ARHGAP39: variants seen among roughly 807,000 people sequenced by gnomAD.
ARHGAP39 encodes rho GTPase-activating protein 39.
In ARHGAP39, 44 loss-of-function variants were observed where a neutral mutation model predicts 106.9. The observed-to-expected ratio is 0.41, with a 90% CI of 0.32 to 0.53. The LOEUF (loss-of-function observed/expected upper bound fraction) is 0.53, where lower values mean the gene tolerates loss of function less well. Ranked by LOEUF, ARHGAP39 falls within the 20% of genes least tolerant of loss-of-function variation. The pLI, the probability that ARHGAP39 is intolerant of heterozygous loss-of-function variation, is 0.21. For synonymous variants in ARHGAP39, 768 were observed against 693.2 expected (o/e 1.11, Z -1.69); for missense variants, 1,496 against 1,577.3 (o/e 0.95, Z 0.87).
chr8:144,552,811 T>TC (rs1023057609), intron 4 of ARHGAP39, among the ~76,000 whole-genome samples: 2 of 152,136 alleles, frequency 1.3e-5, no homozygotes, highest in Admixed American at 1.3e-4. Context: ...TTTTTTTTTT[T>TC]CCCTGAGCGA....
chr8:144,670,197 A>G lies in ARHGAP39; in HGVS notation c.-82+15489T>C, dbSNP rs537337364. Among the ~76,000 whole-genome samples the G allele has an allele frequency of 9.8e-5, 15 of 152,342 alleles. No homozygotes were observed. In the East Asian group the frequency reaches 2.7e-3, roughly 27 times the overall value. On this transcript the variant is annotated intron_variant, in intron 1 of 11. Coordinates refer to ENST00000377307, the MANE Select transcript of ARHGAP39 (RefSeq NM_025251.3). This position sits in a 1 kb window ranked among gnomAD's most constrained non-coding sequence, Gnocchi z 4.4. The stretch of plus-strand genomic sequence containing the variant: ...GGACCAGGCGGCTGTAAAAAGCAAC[A>G]GAGCTCGGACGCATGCTAGAGCGTA...
Position 144,530,879 on chromosome 8 carries a change from C to T in ARHGAP39, c.2981-8G>A, listed in dbSNP as rs773451836. 1.2e-6 allele frequency: 2 copies of T among 1,606,426 alleles called. No homozygotes were observed. The highest frequency in any genetic ancestry group is 8.5e-7 in the Non-Finnish European group (1 of 1,178,256). ...ACAGCTTCAGCAGGGACGCTGGGGACACAGCACGGGGCTCAGCGGCCCTGC... is the reference window on the plus strand; with the variant it reads ...ACAGCTTCAGCAGGGACGCTGGGGATACAGCACGGGGCTCAGCGGCCCTGC... On this transcript the variant is annotated splice_region_variant and splice_polypyrimidine_tract_variant and intron_variant, in intron 10 of 11. Transcript: ENST00000377307.
chr8:144,675,269 T>C (rs887883452), intron 1 of ARHGAP39, among the ~76,000 whole-genome samples: 10 of 152,172 alleles, frequency 6.6e-5, no homozygotes, highest in African/African-American at 2.4e-4. Context: ...AGTCTTACTC[T>C]GTCACCAGGC....
At chr8:144,665,788 G>C (rs1472141015) in intron 1 of ARHGAP39, among the ~76,000 whole-genome samples, 1 of 152,220 alleles carries the variant, frequency 6.6e-6, no homozygotes, top group Non-Finnish European at 1.5e-5. Context: ...TTTGCTGCAG[G>C]GATGGAGCCC....
intron 3 of ARHGAP39, among the ~76,000 whole-genome samples, chr8:144,562,204 T>C (rs1209363858): frequency 6.6e-6 from 1 of 150,532 alleles, no homozygotes; most frequent in African/African-American, 2.5e-5. Context: ...TCCATCGGGC[T>C]CCAGTGGTTT....
At chr8:144,553,988 G>T (rs1817819924) in intron 4 of ARHGAP39, among the ~76,000 whole-genome samples, 1 of 152,248 alleles carries the variant, frequency 6.6e-6, no homozygotes, top group Admixed American at 6.5e-5. Context: ...CTGGCCCTGT[G>T]TCGGGGGGCC....
rs1324342900 is a variant in ARHGAP39, at chr8:144,529,820, T to TA, written c.*601dup. ...AGAATGCCTGCCCAGCCCTGCTCCC[T>TA]ACCCCAGAGGACTTTGGTTTGGGGG... On this transcript the variant is annotated 3_prime_UTR_variant, in exon 12 of 12. Coordinates refer to ENST00000377307, the MANE Select transcript of ARHGAP39 (RefSeq NM_025251.3). 6.9e-6 allele frequency: 1 copy of TA among 144,486 alleles called. No individual in the cohort carries two copies. Among genetic ancestry groups the TA allele is most frequent in the African/African-American group, 2.5e-5 (1 of 39,702 alleles). 9.0% of individuals were successfully genotyped at this position (144,486 alleles called of 1,614,324 possible). A position where few individuals can be genotyped will look rare whatever the true frequency, so the allele number is the denominator to read the frequency against.
At chr8:144,588,076 C>G (rs1819250637) in intron 2 of ARHGAP39, among the ~76,000 whole-genome samples, 1 of 152,236 alleles carries the variant, frequency 6.6e-6, no homozygotes, top group African/African-American at 2.4e-5. Flanking sequence ...CCCACGGAAA[C>G]AGCTGGGGTA....
intron 1 of ARHGAP39, among the ~76,000 whole-genome samples, chr8:144,630,282 G>A (rs1381062265): frequency 6.6e-6 from 1 of 152,216 alleles, no homozygotes; most frequent in East Asian, 1.9e-4. Flanking sequence ...TGTTAGATGG[G>A]AGGTAAAGTT....
At chr8:144,626,602 GC>G in intron 1 of ARHGAP39, among the ~76,000 whole-genome samples, 1 of 151,944 alleles carries the variant, frequency 6.6e-6, no homozygotes, top group South Asian at 2.1e-4. Context: ...TGTCCCGGCG[GC>G]CCCGTTCACG....
rs927495084 is a variant in ARHGAP39, at chr8:144,641,077, G to A, written c.-81-35382C>T. Among the ~76,000 whole-genome samples, 3 of 151,868 alleles carry A rather than the reference G, an allele frequency of 2.0e-5. No homozygotes were observed. Among genetic ancestry groups the A allele is most frequent in the African/African-American group, 7.3e-5 (3 of 41,344 alleles). ...AGATATTTTTATTTCTCATCTGCCT[G>A]GGCCCATCCCAGCACCAGTTCTTGC... On this transcript the variant is annotated intron_variant, in intron 1 of 11. Coordinates refer to ENST00000377307, the MANE Select transcript of ARHGAP39 (RefSeq NM_025251.3). This position sits in a 1 kb window ranked among gnomAD's most constrained non-coding sequence, Gnocchi z 5.2.
chr8:144,658,318 T>C (rs1462475084), intron 1 of ARHGAP39, among the ~76,000 whole-genome samples: 2 of 151,118 alleles, frequency 1.3e-5, no homozygotes, highest in South Asian at 2.1e-4. Context: ...CTTGTTGCCC[T>C]GGCTGCAGTG....
chr8:144,621,530 A>C (rs1820807303), intron 1 of ARHGAP39, among the ~76,000 whole-genome samples: 1 of 152,204 alleles, frequency 6.6e-6, no homozygotes, highest in Non-Finnish European at 1.5e-5. Context: ...TGGGAGGAAG[A>C]CAGTGGTGAA....
At chr8:144,664,905 C>A (rs1821923742) in intron 1 of ARHGAP39, among the ~76,000 whole-genome samples, 1 of 152,110 alleles carries the variant, frequency 6.6e-6, no homozygotes, top group African/African-American at 2.4e-5. Context: ...GAAAAGATAC[C>A]TGAAAATGTG....
At chr8:144,560,151 T>C (rs891370643) in intron 3 of ARHGAP39, among the ~76,000 whole-genome samples, 1 of 152,262 alleles carries the variant, frequency 6.6e-6, no homozygotes, top group Non-Finnish European at 1.5e-5. Flanking sequence ...AATGGCAAAC[T>C]TGCCGGGCAC....
At chr8:144,560,700 G>A (rs964275369) in intron 3 of ARHGAP39, among the ~76,000 whole-genome samples, 9 of 152,158 alleles carry the variant, frequency 5.9e-5, no homozygotes, top group African/African-American at 1.9e-4. Flanking sequence ...CGGTGCGCGG[G>A]TTACTCTGTT....
rs951517335 is a variant in ARHGAP39 at position 144,620,509 on chromosome 8, G to A, written c.-81-14814C>T. Reference sequence around the variant, plus strand: ...TTAGCCTGTGTGTCCAAGGGAGCACGTGTGCCCGTGTGAGCCTGTGTCCCT... The same window carrying A: ...TTAGCCTGTGTGTCCAAGGGAGCACATGTGCCCGTGTGAGCCTGTGTCCCT... On this transcript the variant is annotated intron_variant, in intron 1 of 11. Transcript: ENST00000377307. Among the ~76,000 whole-genome samples, 46 of 151,320 alleles carry A rather than the reference G, an allele frequency of 3.0e-4. 1 individual carries two copies. The highest frequency in any genetic ancestry group is 9.2e-4 in the Admixed American group (14 of 15,188).
intron 1 of ARHGAP39, among the ~76,000 whole-genome samples, chr8:144,680,330 C>T (rs1454886076): frequency 6.6e-6 from 1 of 152,198 alleles, no homozygotes; most frequent in Non-Finnish European, 1.5e-5. Flanking sequence ...TTGCGGGCCG[C>T]ACAGCCTCTG....
In ARHGAP39 at chr8:144,529,625, C is replaced by T. The variant is rs1586863939; in HGVS notation, c.*797G>A. 1 of 152,348 alleles carries T rather than the reference C, an allele frequency of 6.6e-6. No homozygotes were observed. Among genetic ancestry groups the T allele is most frequent in the East Asian group, 1.9e-4 (1 of 5,186 alleles). 9.4% of individuals were successfully genotyped at this position (152,348 alleles called of 1,614,324 possible). On this transcript the variant is annotated 3_prime_UTR_variant, in exon 12 of 12. Coordinates refer to ENST00000377307, the MANE Select transcript of ARHGAP39 (RefSeq NM_025251.3). The stretch of plus-strand genomic sequence containing the variant: ...TGCTCTGCACGGAGGACGGGGACGG[C>T]TCAGAGATAAATAGCATTTAGGTTA...
Sources: allele counts gnomAD v4.1 joint callset (sites outside exome capture counted in the v4.1 genomes callset), GRCh38; gene constraint gnomAD v4.1.1; non-coding constraint Gnocchi (gnomAD v3.1); transcripts MANE v1.5; gene names NCBI Gene and HGNC (gene_info 2026-07-23, HGNC 2026-07-21).